The following ADAMTS19 variants were observed in gnomAD, a reference collection of about 807,000 sequenced individuals.
ADAMTS19 encodes the protein ADAM metallopeptidase with thrombospondin type 1 motif 19.
In ADAMTS19, 93 loss-of-function variants were observed where a neutral mutation model predicts 153.3. The observed-to-expected ratio is 0.61, with a 90% CI of 0.51 to 0.72. ADAMTS19 has a LOEUF of 0.72. Among genes scored for constraint, ADAMTS19 ranks in the 30% least tolerant of loss-of-function variants. ADAMTS19 has a pLI of 0.00. For synonymous variants in ADAMTS19, 600 were observed against 556.6 expected, an observed-to-expected ratio of 1.08 and a Z score of -1.10; for missense variants, 1,482 against 1,552.1, an observed-to-expected ratio of 0.95 and a Z score of 0.76.
intron 21 of ADAMTS19, among the ~76,000 whole-genome samples, chr5:129,708,109 C>T (rs1331018097): frequency 1.3e-5 from 2 of 152,094 alleles, no homozygotes; most frequent in Non-Finnish European, 2.9e-5. Flanking sequence ...GGAAAAATTG[C>T]TCTGGGCTTC....
intron 7 of ADAMTS19, among the ~76,000 whole-genome samples, chr5:129,556,389 A>C (rs1460428726): frequency 6.6e-6 from 1 of 152,170 alleles, no homozygotes; most frequent in Non-Finnish European, 1.5e-5. Context: ...TTTCAAGGGA[A>C]ATAAAGTATA....
chr5:129,645,237 C>T (rs894716451), intron 11 of ADAMTS19, among the ~76,000 whole-genome samples: 9 of 152,118 alleles, frequency 5.9e-5, no homozygotes, highest in African/African-American at 1.9e-4. Context: ...CAATACATAA[C>T]TTCTTTTTTG....
Position 129,473,816 on chromosome 5 carries a change from A to G in ADAMTS19, c.747+12059A>G, listed in dbSNP as rs77952216. The stretch of plus-strand genomic sequence containing the variant: ...TATCTCTCATTAGTAAGATACGTTC[A>G]TGGATATGTCAGGCTGATTTTTTCA... On this transcript the variant is annotated intron_variant, in intron 2 of 22. Coordinates refer to ENST00000274487, the MANE Select transcript of ADAMTS19 (RefSeq NM_133638.6). Among the ~76,000 whole-genome samples the G allele has an allele frequency of 8.2e-3, 1,255 of 152,264 alleles. 25 individuals are homozygous for G. The highest frequency in any genetic ancestry group is 0.029 in the African/African-American group (1,197 of 41,584).
chr5:129,625,464 G>A (rs1441962761), intron 10 of ADAMTS19, among the ~76,000 whole-genome samples: 2 of 152,212 alleles, frequency 1.3e-5, no homozygotes, highest in Admixed American at 6.5e-5. Context: ...CAGTGTAAAA[G>A]CATTCCTGTT....
intron 7 of ADAMTS19, among the ~76,000 whole-genome samples, chr5:129,570,941 A>G (rs1335880534): frequency 6.6e-6 from 1 of 151,944 alleles, no homozygotes; most frequent in Admixed American, 6.6e-5. Flanking sequence ...ACAAGCATCT[A>G]CTGAAAAGAA....
At chr5:129,501,256 G>T (rs1206650656) in intron 2 of ADAMTS19, among the ~76,000 whole-genome samples, 3 of 152,168 alleles carry the variant, frequency 2.0e-5, no homozygotes, top group Non-Finnish European at 4.4e-5. Flanking sequence ...TACCAAGTCT[G>T]CCATGGGAGA....
chr5:129,465,430 T>A (rs975089051), intron 2 of ADAMTS19, among the ~76,000 whole-genome samples: 1 of 152,070 alleles, frequency 6.6e-6, no homozygotes, highest in African/African-American at 2.4e-5. Context: ...TTAGATTATT[T>A]TTTCCAGATG....
At chr5:129,568,548 G>A (rs373370714) in intron 7 of ADAMTS19, among the ~76,000 whole-genome samples, 34 of 152,276 alleles carry the variant, frequency 2.2e-4, no homozygotes, top group Non-Finnish European at 4.4e-4. Context: ...CACTGGGCAT[G>A]GTCACTCATG....
rs200430363 is a variant in ADAMTS19, at chr5:129,497,215, G to GA, written c.748-11853dup. On this transcript the variant is annotated intron_variant, in intron 2 of 22. Transcript: ENST00000274487. ...GGCATTAATTCTGATTTTGTTTTTTGAAAAAAAAATCAACCTTATACAAGC... is the reference window on the plus strand; with the variant it reads ...GGCATTAATTCTGATTTTGTTTTTTGAAAAAAAAAATCAACCTTATACAAGC... Among the ~76,000 whole-genome samples, 262 of 149,346 alleles carry GA rather than the reference G, an allele frequency of 1.8e-3. 4 individuals are homozygous for GA. The Middle Eastern group carries it at 0.018, about 10-fold the overall frequency.
intron 2 of ADAMTS19, among the ~76,000 whole-genome samples, chr5:129,505,315 C>G (rs941673407): frequency 2.6e-5 from 4 of 152,046 alleles, no homozygotes; most frequent in African/African-American, 9.7e-5. Flanking sequence ...ATAGTTGAAG[C>G]GAAATAGTCA....
intron 16 of ADAMTS19, among the ~76,000 whole-genome samples, chr5:129,672,277 A>T (rs1367764615): frequency 1.3e-5 from 2 of 152,162 alleles, no homozygotes. Flanking sequence ...CCTCCTAATA[A>T]GAACACATTA....
intron 6 of ADAMTS19, among the ~76,000 whole-genome samples, chr5:129,532,064 A>C (rs1009353983): frequency 3.6e-4 from 54 of 151,978 alleles, no homozygotes; most frequent in African/African-American, 1.2e-3. Flanking sequence ...CTATTGTAGC[A>C]AAAAAAATAA....
intron 21 of ADAMTS19, among the ~76,000 whole-genome samples, chr5:129,708,590 C>CAGAAAAAAA (rs1756279819): frequency 1.6e-5 from 1 of 61,820 alleles, no homozygotes; most frequent in Non-Finnish European, 2.9e-5. Context: ...AGCAGAGAAG[C>CAGAAAAAAA]AAAAAAAAAA....
intron 6 of ADAMTS19, among the ~76,000 whole-genome samples, chr5:129,535,438 C>T (rs555465102): frequency 6.6e-6 from 1 of 152,246 alleles, no homozygotes; most frequent in South Asian, 2.1e-4. Flanking sequence ...AAGAACATTC[C>T]ATGCTTATGG....
chr5:129,680,301 C>T (rs895053965), intron 17 of ADAMTS19, among the ~76,000 whole-genome samples: 3 of 152,086 alleles, frequency 2.0e-5, no homozygotes, highest in Non-Finnish European at 4.4e-5. Flanking sequence ...TTATCTGACT[C>T]TGCATAAAAA....
chr5:129,669,071 C>T (rs1282534676), intron 16 of ADAMTS19, among the ~76,000 whole-genome samples: 2 of 150,184 alleles, frequency 1.3e-5, no homozygotes, highest in Non-Finnish European at 2.9e-5. Flanking sequence ...TTAGAAAGTC[C>T]AGGAATATAT....
At chr5:129,634,221 A>G (rs924085549) in intron 10 of ADAMTS19, among the ~76,000 whole-genome samples, 3 of 152,186 alleles carry the variant, frequency 2.0e-5, no homozygotes, top group African/African-American at 7.2e-5. Flanking sequence ...CTAGGAATAC[A>G]GCCAAGCAGG....
At chr5:129,618,530 A>G (rs1388260512) in intron 8 of ADAMTS19, among the ~76,000 whole-genome samples, 1 of 151,922 alleles carries the variant, frequency 6.6e-6, no homozygotes, top group African/African-American at 2.4e-5. Flanking sequence ...AACATATTTA[A>G]TTTTAACAAT....
rs1008958363 is a variant in ADAMTS19 at position 129,501,587 on chromosome 5, G to A, written c.748-7490G>A. The stretch of plus-strand genomic sequence containing the variant: ...TGGCAGGCCTACCCTTTTGCAGAAA[G>A]TTTCACAAAGGCAGTATGTGCTTGA... On this transcript the variant is annotated intron_variant, in intron 2 of 22. Coordinates refer to ENST00000274487, the MANE Select transcript of ADAMTS19 (RefSeq NM_133638.6). Among the ~76,000 whole-genome samples the A allele has an allele frequency of 9.9e-5, 15 of 152,138 alleles. 1 individual carries two copies. Among genetic ancestry groups the A allele is most frequent in the African/African-American group, 3.6e-4 (15 of 41,530 alleles).
Sources: gnomAD v4.1 joint callset for allele counts (sites outside exome capture counted in the v4.1 genomes callset) on GRCh38, gnomAD v4.1.1 for gene constraint, MANE v1.5 for transcripts, NCBI Gene and HGNC (gene_info 2026-07-23, HGNC 2026-07-21) for gene names.